The following ATF7 variants were observed in gnomAD, a reference collection of about 807,000 sequenced individuals.
The protein encoded by ATF7 is cyclic AMP-dependent transcription factor ATF-7.
In ATF7, 10 loss-of-function variants were observed where a neutral mutation model predicts 50.4. That is an observed-to-expected ratio of 0.20 (90% CI 0.12 to 0.34). The LOEUF (loss-of-function observed/expected upper bound fraction) is 0.34, where lower values mean the gene tolerates loss of function less well. Ranked by LOEUF, ATF7 falls within the 10% of genes least tolerant of loss-of-function variation. ATF7 has a pLI of 1.00. For synonymous variants in ATF7, 201 were observed against 226.4 expected, an observed-to-expected ratio of 0.89 and a Z score of 1.01; for missense variants, 465 against 613.9, an observed-to-expected ratio of 0.76 and a Z score of 2.56.
chr12:53,592,747 A>C (rs1220562195), intron 2 of ATF7, among the ~76,000 whole-genome samples: 1 of 152,240 alleles, frequency 6.6e-6, no homozygotes, highest in African/African-American at 2.4e-5. Flanking sequence ...TACTAAGTAC[A>C]CTAGTACAAT....
At position 53,620,806 on chromosome 12, in the gene ATF7, A is replaced by G. The variant is rs1326414381; in HGVS notation, c.-22+5473T>C. Among the ~76,000 whole-genome samples, 4 of 152,232 alleles carry G rather than the reference A, an allele frequency of 2.6e-5. No homozygotes were observed. The East Asian group carries it at 7.7e-4, about 29-fold the overall frequency. ...CAAAAGACAGTAACAAAATAACAAC[A>G]AAAAATCCCTGCAACTATGAAGAAA... is the stretch of plus-strand genomic sequence containing the variant. On this transcript the variant is annotated intron_variant, in intron 1 of 11. Coordinates refer to ENST00000420353, the MANE Select transcript of ATF7 (RefSeq NM_006856.3).
At chr12:53,533,427 C>T (rs1456025086) in intron 6 of ATF7, among the ~76,000 whole-genome samples, 168 bp from the exon 7 acceptor site, 3 of 152,196 alleles carry the variant, frequency 2.0e-5, no homozygotes, top group African/African-American at 7.2e-5. Context: ...GAATCCTATT[C>T]AACTTACCTT....
At chr12:53,619,693 T>C (rs1944298491) in intron 1 of ATF7, among the ~76,000 whole-genome samples, 1 of 150,368 alleles carries the variant, frequency 6.7e-6, no homozygotes, top group Non-Finnish European at 1.5e-5. Context: ...ACATCTGTAG[T>C]CCTAGCTACT....
chr12:53,601,904 C>T (rs1020107106), intron 1 of ATF7, among the ~76,000 whole-genome samples: 7 of 152,090 alleles, frequency 4.6e-5, no homozygotes, highest in East Asian at 3.8e-4. Context: ...GGGTTTATAC[C>T]GTTTTATAAA....
intron 2 of ATF7, among the ~76,000 whole-genome samples, chr12:53,583,620 C>T (rs1942539078): frequency 6.6e-6 from 1 of 152,012 alleles, no homozygotes; most frequent in African/African-American, 2.4e-5. Context: ...GGACCACTGA[C>T]CTAGATGACT....
In ATF7 at chr12:53,524,441, G is replaced by A; in HGVS notation, c.1125+123C>T. 2 of 1,112,272 alleles carry A rather than the reference G, an allele frequency of 1.8e-6. No individual in the cohort carries two copies. Among genetic ancestry groups the A allele is most frequent in the Admixed American group, 2.5e-5 (1 of 40,470 alleles). 68.9% of individuals were successfully genotyped at this position (1,112,272 alleles called of 1,614,324 possible). A position where few individuals can be genotyped will look rare whatever the true frequency, so the allele number is the denominator to read the frequency against. On this transcript the variant is annotated intron_variant, in intron 10 of 11. Coordinates refer to ENST00000420353, the MANE Select transcript of ATF7 (RefSeq NM_006856.3). This position sits in a 1 kb window ranked among gnomAD's most constrained non-coding sequence, Gnocchi z 4.6. ...TCTGACCGTTAAGAGATTCTTCATGGGACAACTAGATCTGTCCTAATTAGA... is the reference window on the plus strand; with the variant it reads ...TCTGACCGTTAAGAGATTCTTCATGAGACAACTAGATCTGTCCTAATTAGA...
chr12:53,533,524 G>C (rs2137385249), intron 6 of ATF7, among the ~76,000 whole-genome samples: 1 of 152,318 alleles, frequency 6.6e-6, no homozygotes, highest in Admixed American at 6.5e-5. Flanking sequence ...AAAGGGTTTA[G>C]AACAATTAAA....
chr12:53,552,933 A>G (rs1940473335), intron 2 of ATF7, among the ~76,000 whole-genome samples: 1 of 152,170 alleles, frequency 6.6e-6, no homozygotes, highest in Non-Finnish European at 1.5e-5. Context: ...CCAAATGAAA[A>G]AAACATTAAG....
chr12:53,563,033 C>T (rs977651372), intron 2 of ATF7, among the ~76,000 whole-genome samples: 1 of 152,014 alleles, frequency 6.6e-6, no homozygotes, highest in African/African-American at 2.4e-5. Flanking sequence ...CACTTTCTAC[C>T]CAGGTCAGTC....
At position 53,524,578 on chromosome 12, in the gene ATF7, T is replaced by G; in HGVS notation, c.1111A>C (p.Asn371His). 6.2e-7 allele frequency: 1 copy of G among 1,613,956 alleles called. No homozygotes were observed. Among genetic ancestry groups the G allele is most frequent in the South Asian group, 1.1e-5 (1 of 91,070 alleles). The change falls in exon 10 of 12, where the codon AAC becomes CAC. Residue 371 changes from asparagine (N) to histidine (H), a missense_variant. Transcript: ENST00000420353. This position sits in a 1 kb window ranked among gnomAD's most constrained non-coding sequence, Gnocchi z 4.6. The stretch of plus-strand genomic sequence containing the variant: ...GACCCACTCACACTCAGCTGAATGT[T>G]CTGAGAAGTGAGTTCTTCGGCCTTC... The part of the protein sequence containing the change: ...EKKAEELTSQ[N>H]IQLSNEVTLL...
At chr12:53,558,850 CAATT>C (rs1189852083) in intron 2 of ATF7, among the ~76,000 whole-genome samples, 6 of 152,160 alleles carry the variant, frequency 3.9e-5, no homozygotes, top group African/African-American at 7.2e-5. Flanking sequence ...TTCCTATTAA[CAATT>C]AACTTTCCAT....
chr12:53,531,834 C>G lies in ATF7; in HGVS notation c.837G>C (p.Val279=). Residue 279 remains valine (V), a synonymous_variant, in exon 9 of 12, where the codon GTG becomes GTC. Transcript: ENST00000420353. ...SSINGGCGMV[V]GTASTMVTAR... is the part of the protein sequence containing the mutation. ...CTGTCACCATGGTGCTGGCAGTACC[C>G]ACCACCATTCCACAACCACCATTGA... 1 of 1,613,496 alleles carries G rather than the reference C, an allele frequency of 6.2e-7. No individual in the cohort carries two copies. Among genetic ancestry groups the G allele is most frequent in the Non-Finnish European group, 8.5e-7 (1 of 1,179,832 alleles).
rs780132757 is a variant in ATF7, at chr12:53,537,503, T to C, written c.314A>G (p.Lys105Arg). ...CTCCACTGGCTCTTCTTCTTTGATTTTGATGTCTGGTGTGGAAGGCAGAGA... is the reference window on the plus strand; with the variant it reads ...CTCCACTGGCTCTTCTTCTTTGATTCTGATGTCTGGTGTGGAAGGCAGAGA... ...DMSLPSTPDI[K>R]IKEEEPVEVD... The change falls in exon 5 of 12, where the codon AAA (lysine) becomes AGA (arginine). Residue 105 changes from lysine (K) to arginine (R), a missense_variant. Physicochemically the swap from Lys to Arg is conservative, Grantham distance 26. Coordinates refer to ENST00000420353, the MANE Select transcript of ATF7 (RefSeq NM_006856.3). 1.2e-6 allele frequency: 2 copies of C among 1,613,718 alleles called. No homozygotes were observed. The highest frequency in any genetic ancestry group is 2.2e-5 in the East Asian group (1 of 44,888).
At chr12:53,598,750 G>T (rs765508764) in intron 2 of ATF7, among the ~76,000 whole-genome samples, 1 of 152,174 alleles carries the variant, frequency 6.6e-6, no homozygotes, top group Admixed American at 6.5e-5. Flanking sequence ...GAGCTTAAGA[G>T]ATGCTTTTCT....
chr12:53,595,936 C>T (rs1565583945), intron 2 of ATF7, among the ~76,000 whole-genome samples: 1 of 151,738 alleles, frequency 6.6e-6, no homozygotes, highest in Admixed American at 6.6e-5. Flanking sequence ...TCTCTCCAGG[C>T]AAAAAAAGAG....
At chr12:53,564,748 T>G (rs1347178469) in intron 2 of ATF7, among the ~76,000 whole-genome samples, 1 of 152,268 alleles carries the variant, frequency 6.6e-6, no homozygotes, top group Non-Finnish European at 1.5e-5. Flanking sequence ...GATCTGGGTT[T>G]AATAGCAATG....
At chr12:53,517,924 G>A (rs1284624877) in intron 11 of ATF7, among the ~76,000 whole-genome samples, 1 of 152,124 alleles carries the variant, frequency 6.6e-6, no homozygotes, top group Non-Finnish European at 1.5e-5. Context: ...GAGTGCAGTG[G>A]TGCAATCTCA....
At chr12:53,608,218 C>CAAAAA (rs71444811) in intron 1 of ATF7, among the ~76,000 whole-genome samples, 1 of 89,026 alleles carries the variant, frequency 1.1e-5, no homozygotes, top group Non-Finnish European at 2.4e-5. Flanking sequence ...GACTCTGTCT[C>CAAAAA]AAAAAAAAAA....
chr12:53,557,313 C>A (rs899341548), intron 2 of ATF7, among the ~76,000 whole-genome samples: 1 of 152,062 alleles, frequency 6.6e-6, no homozygotes, highest in Non-Finnish European at 1.5e-5. Flanking sequence ...GCAATCCCCC[C>A]ACCCCAGCCT....
Sources: gnomAD v4.1 joint callset for allele counts (sites outside exome capture counted in the v4.1 genomes callset) on GRCh38, gnomAD v4.1.1 for gene constraint, Gnocchi (gnomAD v3.1) non-coding constraint, MANE v1.5 for transcripts, NCBI Gene and HGNC (gene_info 2026-07-23, HGNC 2026-07-21) for gene names.